The following ZNF91 variants were observed in gnomAD, a reference collection of about 807,000 sequenced individuals.
ZNF91 encodes zinc finger protein 91 (HPF7, HTF10).
A neutral mutation model predicts 12.6 loss-of-function variants in ZNF91; 7 were observed. The observed-to-expected ratio is 0.55, with a 90% CI of 0.31 to 1.04. The LOEUF (loss-of-function observed/expected upper bound fraction) is 1.04. Among genes scored for constraint, ZNF91 ranks in the 50% least tolerant of loss-of-function variants. The probability of loss-of-function intolerance (pLI) is 0.05; values close to 1 mark genes in which losing one functional copy is unlikely to be tolerated. For synonymous variants in ZNF91, 453 were observed against 462.6 expected (o/e 0.98, Z 0.27); for missense variants, 1,217 against 1,385.4 (o/e 0.88, Z 1.93).
chr19:23,349,451 T>C (rs977290159), intron 3 of ZNF91, among the ~76,000 whole-genome samples: 1 of 152,136 alleles, frequency 6.6e-6, no homozygotes, highest in Admixed American at 6.5e-5. Flanking sequence ...TAGCCAAACT[T>C]TTGTCTTGGG....
intron 3 of ZNF91, among the ~76,000 whole-genome samples, chr19:23,349,845 A>G (rs1047328494): frequency 6.6e-6 from 1 of 152,150 alleles, no homozygotes; most frequent in African/African-American, 2.4e-5. Context: ...AAACAAACAA[A>G]CAAAAACAAC....
downstream of ZNF91, among the ~76,000 whole-genome samples, chr19:23,334,956 AAG>A (rs1491567552): frequency 6.6e-6 from 1 of 152,226 alleles, no homozygotes; most frequent in Non-Finnish European, 1.5e-5. Context: ...CATACCAAAA[AAG>A]AATTTTTTTA....
chr19:23,381,973 A>G (rs1969733379), intron 1 of ZNF91, among the ~76,000 whole-genome samples: 1 of 152,000 alleles, frequency 6.6e-6, no homozygotes, highest in African/African-American at 2.4e-5. Context: ...AAAGACTAAA[A>G]ATTGTAAGAA....
downstream of ZNF91, among the ~76,000 whole-genome samples, chr19:23,335,542 A>G (rs748431066): frequency 2.6e-5 from 4 of 151,612 alleles, no homozygotes; most frequent in African/African-American, 4.9e-5. Context: ...CCCTCCCCCA[A>G]CCTCGCTGCC....
chr19:23,362,594 C>A lies in ZNF91; in HGVS notation c.385G>T (p.Val129Leu). 1 of 1,600,608 alleles carries A rather than the reference C, an allele frequency of 6.2e-7. No individual in the cohort carries two copies. Among genetic ancestry groups the A allele is most frequent in the Non-Finnish European group, 8.5e-7 (1 of 1,175,878 alleles). The change falls in exon 4 of 4, where the codon GTG becomes TTG. Residue 129 changes from valine to leucine, a missense_variant. Val to Leu is a conservative substitution (Grantham distance 32). Around this residue, in one of 2 missense-constraint regions of ZNF91, gnomAD observed 726 missense variants for 895.5 expected, o/e 0.81. Transcript: ENST00000300619. The part of the protein sequence containing the change: ...NLQLRKGCKS[V>L]DECKVHKEGY... ...TCTTTGTGCACCTTACACTCATCCA[C>A]ACTTTTACAACCTTTTCTTAACTGT...
chr19:23,345,801 A>C (rs1412958293), intron 3 of ZNF91, among the ~76,000 whole-genome samples: 1 of 151,672 alleles, frequency 6.6e-6, no homozygotes, highest in Admixed American at 6.6e-5. Flanking sequence ...TTCTTTTCCT[A>C]TATCGTCCCC....
chr19:23,356,293 G>GT (rs1157369946), downstream of ZNF91, among the ~76,000 whole-genome samples: 1 of 151,908 alleles, frequency 6.6e-6, no homozygotes, highest in Non-Finnish European at 1.5e-5. Context: ...TAACGCGTGG[G>GT]TAAAGAATCT....
intron 1 of ZNF91, among the ~76,000 whole-genome samples, chr19:23,332,928 T>C (rs1358292000): frequency 6.6e-6 from 1 of 152,162 alleles, no homozygotes; most frequent in African/African-American, 2.4e-5. Flanking sequence ...GAACAAAGCC[T>C]GTCAAGGATC....
At position 23,332,620 on chromosome 19, in the gene ZNF91, C is replaced by A. The variant is rs141029120; in HGVS notation, n.117-23523G>T. ...GGCACATCAAGCGAAAAGATGGGCA[C>A]CCCAAGGAAAAAGTATAAGTGTGCC... On this transcript the variant is annotated intron_variant and non_coding_transcript_variant, in intron 1 of 1. Coordinates refer to the ZNF91 transcript ENST00000596528. Among the ~76,000 whole-genome samples, 168 of 152,202 alleles carry A rather than the reference C, an allele frequency of 1.1e-3. 3 individuals are homozygous for A. The East Asian group carries it at 0.028, about 25-fold the overall frequency.
At chr19:23,390,001 A>T (rs1970007340) in intron 1 of ZNF91, among the ~76,000 whole-genome samples, 1 of 152,178 alleles carries the variant, frequency 6.6e-6, no homozygotes, top group Non-Finnish European at 1.5e-5. Context: ...CACTGTAGTC[A>T]TATTTACCAT....
intron 3 of ZNF91, among the ~76,000 whole-genome samples, chr19:23,369,533 A>G (rs1568392262): frequency 6.6e-6 from 1 of 152,202 alleles, no homozygotes; most frequent in Non-Finnish European, 1.5e-5. Context: ...AGAAGGGGCC[A>G]TGATGACGAT....
At chr19:23,308,337 G>A (rs1967425785) in intron 2 of ZNF91, 1 of 152,166 alleles carries the variant, frequency 6.6e-6, no homozygotes, top group Non-Finnish European at 1.5e-5. Flanking sequence ...TTGACTGCCT[G>A]AGTCTTTCAT....
chr19:23,313,477 C>T (rs10427154), upstream of ZNF91, among the ~76,000 whole-genome samples: 3,655 of 152,208 alleles, frequency 0.024, 140 homozygotes, highest in African/African-American at 0.082. Flanking sequence ...TCAGTGGGCC[C>T]GGAAGCCAGG....
chr19:23,326,731 AG>A (rs1488593175), intron 1 of ZNF91: 1 of 152,210 alleles, frequency 6.6e-6, no homozygotes, highest in Non-Finnish European at 1.5e-5. Flanking sequence ...CATTCAGCAA[AG>A]GAAGTGGGTA....
intron 3 of ZNF91, among the ~76,000 whole-genome samples, chr19:23,364,686 A>G (rs569518998): frequency 6.6e-6 from 1 of 152,308 alleles, no homozygotes; most frequent in South Asian, 2.1e-4. Context: ...AAAAAAATAT[A>G]GATTCAGAAA....
chr19:23,322,478 T>A (rs1487524954), intron 1 of ZNF91, among the ~76,000 whole-genome samples: 1 of 152,208 alleles, frequency 6.6e-6, no homozygotes, highest in African/African-American at 2.4e-5. Flanking sequence ...CTGTTTTGCA[T>A]TGGCAACGTC....
At chr19:23,356,860 G>A (rs557877645), downstream of ZNF91, among the ~76,000 whole-genome samples, 3 of 152,178 alleles carry the variant, frequency 2.0e-5, no homozygotes, top group African/African-American at 4.8e-5. Context: ...TTGGGAGGCC[G>A]AGGTGAGTGG....
chr19:23,393,349 A>C (rs1252331820), intron 1 of ZNF91, among the ~76,000 whole-genome samples: 2 of 152,178 alleles, frequency 1.3e-5, no homozygotes, highest in African/African-American at 4.8e-5. Context: ...AGCTAAACTC[A>C]ATACCTCAGG....
chr19:23,392,847 T>A (rs1305935752), intron 1 of ZNF91, among the ~76,000 whole-genome samples: 1 of 151,912 alleles, frequency 6.6e-6, no homozygotes, highest in Middle Eastern at 3.4e-3. Context: ...TGAACAAAGC[T>A]TTTCAAGATA....
Sources: gnomAD v4.1 joint callset for allele counts (sites outside exome capture counted in the v4.1 genomes callset) on GRCh38, gnomAD v4.1.1 for gene constraint, gnomAD v4.1.1 regional missense constraint, MANE v1.5 for transcripts, NCBI Gene and HGNC (gene_info 2026-07-23, HGNC 2026-07-21) for gene names.